The following IFT52 variants were observed in gnomAD, a reference collection of about 807,000 sequenced individuals.
IFT52 encodes intraflagellar transport protein 52 homolog.
In IFT52, 44 loss-of-function variants were observed where a neutral mutation model predicts 54.4. That is an observed-to-expected ratio of 0.81 (90% CI 0.63 to 1.04). The LOEUF (loss-of-function observed/expected upper bound fraction) is 1.04, where lower values mean the gene tolerates loss of function less well. Among genes scored for constraint, IFT52 ranks in the 50% least tolerant of loss-of-function variants. IFT52 has a pLI of 0.00. For synonymous variants in IFT52, 181 were observed against 185.3 expected, an observed-to-expected ratio of 0.98 and a Z score of 0.19; for missense variants, 452 against 523.6, an observed-to-expected ratio of 0.86 and a Z score of 1.33.
At chr20:43,635,827 G>A (rs1985490797) in intron 10 of IFT52, 99 bp from the exon 11 acceptor site, 8 of 1,034,324 alleles carry the variant, frequency 7.7e-6, no homozygotes, top group Non-Finnish European at 1.2e-5. Context: ...AAATAGTACT[G>A]AACCACTGTA....
chr20:43,606,232 AT>A (rs1982867770), intron 6 of IFT52, among the ~76,000 whole-genome samples: 1 of 151,230 alleles, frequency 6.6e-6, no homozygotes, highest in African/African-American at 2.4e-5. Context: ...AAAAAAAAAA[AT>A]TATATTTGTC....
intron 3 of IFT52, among the ~76,000 whole-genome samples, chr20:43,598,772 G>A (rs566580670): frequency 6.6e-6 from 1 of 152,212 alleles, no homozygotes; most frequent in East Asian, 1.9e-4. Flanking sequence ...AAGATTAGGT[G>A]TGTTTTTTCA....
chr20:43,603,812 T>C lies in IFT52; in HGVS notation c.260T>C (p.Leu87Pro), dbSNP rs1265303793. The C allele has an allele frequency of 6.2e-7, 1 of 1,606,058 alleles. No homozygotes were observed. Among genetic ancestry groups the C allele is most frequent in the Non-Finnish European group, 8.5e-7 (1 of 1,173,926 alleles). ...ACTGGTGGAGATGTCTTTGTGATGC[T>C]AGGAGAAGGTGGAGAATCCAGATTT... is the stretch of plus-strand genomic sequence containing the variant. Reference protein sequence around the residue: ...LDTGGDVFVMLGEGGESRFDT... With the variant: ...LDTGGDVFVMPGEGGESRFDT... Residue 87 changes from leucine (L) to proline (P), a missense_variant, in exon 4 of 14, where the codon CTA becomes CCA. Physicochemically the swap from Leu to Pro is moderately conservative, Grantham distance 98. Transcript: ENST00000373030.
At position 43,645,030 on chromosome 20, in the gene IFT52, C is replaced by A. The variant is rs755501725; in HGVS notation, c.1267-1906C>A. Among the ~76,000 whole-genome samples the A allele has an allele frequency of 3.7e-5, 2 of 54,670 alleles. 1 individual carries two copies. Among genetic ancestry groups the A allele is most frequent in the Non-Finnish European group, 8.6e-5 (2 of 23,364 alleles). The allele number at this position is 54,670 out of a possible 152,430, so 35.9% of individuals were successfully genotyped here. On this transcript the variant is annotated intron_variant, in intron 13 of 13. Transcript: ENST00000373030. ...GCTGAGGCAAGAGATTCGCTTGAAC[C>A]TGGGAGGCGGAGGTTGCAGTGAGCC...
chr20:43,592,273 G>T (rs1981588671), intron 1 of IFT52, among the ~76,000 whole-genome samples: 1 of 151,888 alleles, frequency 6.6e-6, no homozygotes, highest in Non-Finnish European at 1.5e-5. Context: ...AGGTTGCAGC[G>T]AGCCGAGATT....
intron 10 of IFT52, among the ~76,000 whole-genome samples, chr20:43,632,283 CAGAGTCTTGCTCTGTCTCCCAGGCT>C (rs1486892518): frequency 1.4e-5 from 2 of 147,462 alleles, no homozygotes; most frequent in Admixed American, 6.9e-5. Flanking sequence ...TTTTCTGAGA[CAGAGTCTTGCTCTGTCTCCCAGGCT>C]AGAGTGCAGT....
intron 6 of IFT52, among the ~76,000 whole-genome samples, chr20:43,610,613 C>T (rs1165085611): frequency 6.6e-6 from 1 of 151,884 alleles, no homozygotes; most frequent in Non-Finnish European, 1.5e-5. Flanking sequence ...GTGGCGGGCA[C>T]CTGTAGTCCC....
chr20:43,601,036 A>T (rs1209046548), intron 3 of IFT52, among the ~76,000 whole-genome samples: 1 of 152,082 alleles, frequency 6.6e-6, no homozygotes, highest in Admixed American at 6.6e-5. Context: ...TTCTTTTTTA[A>T]ACCTCCGTGA....
chr20:43,614,170 G>A (rs942485544), intron 7 of IFT52, among the ~76,000 whole-genome samples, 194 bp downstream of exon 7: 1 of 152,094 alleles, frequency 6.6e-6, no homozygotes, highest in African/African-American at 2.4e-5. Context: ...TGAAGTTAAG[G>A]CCTAAACCTA....
intron 12 of IFT52, among the ~76,000 whole-genome samples, chr20:43,641,100 G>A (rs1985889669): frequency 6.6e-6 from 1 of 151,356 alleles, no homozygotes. Context: ...AGTAATGGCT[G>A]TCTATCCTAC....
chr20:43,645,819 C>T lies in IFT52; in HGVS notation c.1267-1117C>T, dbSNP rs533603418. Among the ~76,000 whole-genome samples the T allele has an allele frequency of 2.9e-4, 14 of 48,074 alleles. 4 individuals carry two copies. The highest frequency in any genetic ancestry group is 8.5e-4 in the African/African-American group (14 of 16,502). 31.5% of individuals were successfully genotyped at this position (48,074 alleles called of 152,430 possible). ...GGTTGAGGTTGCAGTGAGCAGTGATCATGCCACTGCACTCCATCCAGGGTG... is the reference window on the plus strand; with the variant it reads ...GGTTGAGGTTGCAGTGAGCAGTGATTATGCCACTGCACTCCATCCAGGGTG... On this transcript the variant is annotated intron_variant, in intron 13 of 13. Transcript: ENST00000373030.
intron 10 of IFT52, among the ~76,000 whole-genome samples, chr20:43,624,745 A>C (rs1456754014): frequency 1.3e-5 from 2 of 152,188 alleles, no homozygotes; most frequent in Non-Finnish European, 2.9e-5. Context: ...GAAATGACAC[A>C]GAAGCAGAGG....
intron 6 of IFT52, among the ~76,000 whole-genome samples, chr20:43,611,014 C>A (rs1983400736): frequency 6.6e-6 from 1 of 151,962 alleles, no homozygotes; most frequent in African/African-American, 2.4e-5. Context: ...AGTTGAAAGC[C>A]TAGTGCCCTA....
At chr20:43,608,031 A>G (rs4812726) in intron 6 of IFT52, among the ~76,000 whole-genome samples, 119,097 of 152,004 alleles carry the variant, frequency 0.78, 46,988 homozygotes, top group Non-Finnish European at 0.82. Flanking sequence ...GCCTGCAATC[A>G]CAGGCACTCG....
Position 43,623,765 on chromosome 20 carries a change from C to T in IFT52, c.769-126C>T, listed in dbSNP as rs559503614. ...TTATTTAAGGTTTAGTGTCAGTGATCATGAACAGTAAAATTTCTTGGCAAG... is the reference window on the plus strand; with the variant it reads ...TTATTTAAGGTTTAGTGTCAGTGATTATGAACAGTAAAATTTCTTGGCAAG... On this transcript the variant is annotated intron_variant, in intron 9 of 13. Coordinates refer to ENST00000373030, the MANE Select transcript of IFT52 (RefSeq NM_016004.5). 1.6e-5 allele frequency: 17 copies of T among 1,084,832 alleles called. No homozygotes were observed. In the South Asian group the frequency reaches 2.7e-4, roughly 17 times the overall value. 67.2% of individuals were successfully genotyped at this position (1,084,832 alleles called of 1,614,324 possible). A position where few individuals can be genotyped will look rare whatever the true frequency, so the allele number is the denominator to read the frequency against.
At chr20:43,609,775 C>CAAAAAA (rs57268776) in intron 6 of IFT52, among the ~76,000 whole-genome samples, 1 of 47,198 alleles carries the variant, frequency 2.1e-5, no homozygotes, top group African/African-American at 9.6e-5. Context: ...AACTCCGTCT[C>CAAAAAA]AAAAAAAAAA....
chr20:43,640,754 A>G (rs899932985), intron 12 of IFT52, among the ~76,000 whole-genome samples: 3 of 151,970 alleles, frequency 2.0e-5, no homozygotes, highest in Non-Finnish European at 2.9e-5. Flanking sequence ...AATTAATTAC[A>G]GCTGGGCTCA....
At position 43,613,903 on chromosome 20, in the gene IFT52, C is replaced by T; in HGVS notation, c.539C>T (p.Ala180Val). Residue 180 changes from alanine (A) to valine (V), a missense_variant, in exon 7 of 14, where the codon GCA becomes GTA. Physicochemically the swap from Ala to Val is moderately conservative, Grantham distance 64. Transcript: ENST00000373030. ...GCCACATTGAGTGTCATGAAACCAG[C>T]AGTGGCGGTTCTGTCTACAGGTTCT... Reference protein sequence around the residue: ...FGATLSVMKPAVAVLSTGSVC... With the variant: ...FGATLSVMKPVVAVLSTGSVC... 1 of 1,613,942 alleles carries T rather than the reference C, an allele frequency of 6.2e-7. No homozygotes were observed. The highest frequency in any genetic ancestry group is 8.5e-7 in the Non-Finnish European group (1 of 1,179,806).
In IFT52 at chr20:43,647,121, T is replaced by C. The variant is rs768108503; in HGVS notation, c.*138T>C. The C allele has an allele frequency of 1.6e-5, 12 of 728,958 alleles. 1 individual carries two copies. The highest frequency in any genetic ancestry group is 4.8e-4 in the Middle Eastern group (2 of 4,176). The allele number at this position is 728,958 out of a possible 1,614,324, so 45.2% of individuals were successfully genotyped here. A position where few individuals can be genotyped will look rare whatever the true frequency, so the allele number is the denominator to read the frequency against. ...CTCTGGAAGGTATATGCATCTTCTG[T>C]AATACTCAGATAGGTATAAGATTTT... is the stretch of plus-strand genomic sequence containing the variant. On this transcript the variant is annotated 3_prime_UTR_variant, in exon 14 of 14. Transcript: ENST00000373030.
Sources: allele counts gnomAD v4.1 joint callset (sites outside exome capture counted in the v4.1 genomes callset), GRCh38; gene constraint gnomAD v4.1.1; transcripts MANE v1.5; gene names NCBI Gene and HGNC (gene_info 2026-07-23, HGNC 2026-07-21).